The following C8orf76 variants were observed in gnomAD, a reference collection of about 807,000 sequenced individuals.
C8orf76 encodes uncharacterized protein C8orf76.
C8orf76 carries 46 observed loss-of-function variants against 38.1 expected under a neutral mutation model. The observed-to-expected ratio is 1.21, with a 90% CI of 0.95 to 1.54. C8orf76 has a LOEUF of 1.54. C8orf76 is among the 40% of genes most tolerant of loss of function. The probability of loss-of-function intolerance (pLI) is 0.00; values close to 1 mark genes in which losing one functional copy is unlikely to be tolerated. For missense variants in C8orf76, 461 were observed against 441.6 expected (o/e 1.04, Z -0.39); for synonymous variants, 166 against 167.5 (o/e 0.99, Z 0.07).
At chr8:123,227,175 A>G (rs1244189177) in intron 4 of C8orf76, among the ~76,000 whole-genome samples, 1 of 151,252 alleles carries the variant, frequency 6.6e-6, no homozygotes, top group East Asian at 1.9e-4. Context: ...ACTCTGCGAT[A>G]CCTTACCACT....
intron 4 of C8orf76, among the ~76,000 whole-genome samples, chr8:123,229,177 T>C (rs1444127731): frequency 2.0e-5 from 3 of 152,208 alleles, no homozygotes; most frequent in Non-Finnish European, 4.4e-5. Flanking sequence ...TCTTTTTACC[T>C]AGCATGCCTC....
chr8:123,231,888 T>TAAATATATTG, intron 3 of C8orf76, 131 bp from the exon 4 acceptor site: 1 of 951,780 alleles, frequency 1.1e-6, no homozygotes, highest in Non-Finnish European at 1.5e-6. Context: ...ACGAGTGACC[T>TAAATATATTG]AAATATATTT....
rs550856107 is a variant in C8orf76, at chr8:123,222,614, T to TA, written c.949-2318dup. ...TTAAGTCTAATATAGGGAGAACTCT[T>TA]AAAATTGCTATGAAAAACAGAAAGA... On this transcript the variant is annotated intron_variant, in intron 5 of 5. Coordinates refer to ENST00000276704, the MANE Select transcript of C8orf76 (RefSeq NM_032847.3). Among the ~76,000 whole-genome samples the TA allele has an allele frequency of 1.6e-3, 246 of 152,250 alleles. 1 individual carries two copies. Among genetic ancestry groups the TA allele is most frequent in the African/African-American group, 5.8e-3 (242 of 41,546 alleles).
intron 4 of C8orf76, among the ~76,000 whole-genome samples, chr8:123,229,347 A>G (rs1455357850): frequency 2.0e-5 from 3 of 152,196 alleles, no homozygotes; most frequent in African/African-American, 7.2e-5. Context: ...TGGGATCCCA[A>G]TAGGTATCCC....
At chr8:123,239,707 A>T (rs953354297) in intron 1 of C8orf76, 2 of 152,366 alleles carry the variant, frequency 1.3e-5, no homozygotes, top group Non-Finnish European at 2.9e-5. Context: ...TAAATAACGT[A>T]GGGAAAGGCA....
rs770059188 is a variant in C8orf76, at chr8:123,241,358, G to A, written c.-12C>T. On this transcript the variant is annotated 5_prime_UTR_variant, in exon 1 of 6. Coordinates refer to ENST00000276704, the MANE Select transcript of C8orf76 (RefSeq NM_032847.3). ...CACCCGGAATCCATCTCGCGCCCGC[G>A]GCGGGGGCAACGAGGAAGCGGGGCC... The A allele has an allele frequency of 7.1e-6, 11 of 1,547,334 alleles. No homozygotes were observed. The highest frequency in any genetic ancestry group is 9.5e-6 in the Non-Finnish European group (11 of 1,156,118).
chr8:123,226,391 C>T (rs763765248), intron 5 of C8orf76, 109 bp downstream of exon 5: 5 of 1,522,330 alleles, frequency 3.3e-6, no homozygotes, highest in Non-Finnish European at 4.4e-6. Flanking sequence ...AGGAGGGAGA[C>T]AAGTCCTTCA....
intron 3 of C8orf76, among the ~76,000 whole-genome samples, chr8:123,235,556 A>C (rs1315216917): frequency 6.6e-6 from 1 of 152,232 alleles, no homozygotes; most frequent in Non-Finnish European, 1.5e-5. Context: ...TGAAGCCGAC[A>C]GAAAGGGGCG....
intron 5 of C8orf76, among the ~76,000 whole-genome samples, chr8:123,221,273 G>GT (rs1158966643): frequency 2.0e-5 from 3 of 152,034 alleles, no homozygotes; most frequent in Non-Finnish European, 2.9e-5. Context: ...ATACTTTTTT[G>GT]TTTTTGTATT....
At chr8:123,234,768 AAAAAACAAAAAAACAAAAAC>A (rs1178323084) in intron 3 of C8orf76, among the ~76,000 whole-genome samples, 4 of 133,106 alleles carry the variant, frequency 3.0e-5, no homozygotes, top group African/African-American at 8.6e-5. Flanking sequence ...GACTCCATCT[AAAAAACAAAAAAACAAAAAC>A]AAAAACAAAA....
intron 4 of C8orf76, among the ~76,000 whole-genome samples, chr8:123,227,134 G>A (rs1234445751): frequency 6.6e-6 from 1 of 152,096 alleles, no homozygotes; most frequent in Non-Finnish European, 1.5e-5. Context: ...ACCCCAAGCA[G>A]GGCCAAATCT....
intron 4 of C8orf76, 138 bp downstream of exon 4, chr8:123,231,162 C>A (rs770441233): frequency 1.0e-5 from 11 of 1,076,614 alleles, no homozygotes; most frequent in Non-Finnish European, 1.3e-5. Context: ...GAATGACAAA[C>A]GTTCAACACA....
intron 3 of C8orf76, among the ~76,000 whole-genome samples, chr8:123,234,217 T>G (rs1825379135): frequency 1.3e-5 from 2 of 152,174 alleles, no homozygotes; most frequent in Admixed American, 1.3e-4. Context: ...GTAATTTTCC[T>G]TATGTTACAG....
Position 123,231,350 on chromosome 8 carries a change from T to A in C8orf76, c.765A>T (p.Thr255=). 6.2e-7 allele frequency: 1 copy of A among 1,613,990 alleles called. No homozygotes were observed. The highest frequency in any genetic ancestry group is 8.5e-7 in the Non-Finnish European group (1 of 1,179,992). Residue 255 remains threonine, a synonymous_variant, in exon 4 of 6, where the codon ACA becomes ACT. Transcript: ENST00000276704. ...CTTTCAGCTGAGTCTCTATCAACACTGTTTCTCTCTTTTCTGCCATACAGT... is the reference window on the plus strand; with the variant it reads ...CTTTCAGCTGAGTCTCTATCAACACAGTTTCTCTCTTTTCTGCCATACAGT... ...IQNCMAEKRE[T]VLIETQLKAC...
At chr8:123,228,311 C>T (rs1048441661) in intron 4 of C8orf76, among the ~76,000 whole-genome samples, 5 of 152,144 alleles carry the variant, frequency 3.3e-5, no homozygotes, top group African/African-American at 1.2e-4. Flanking sequence ...GCATCGCAGT[C>T]ACCAGAGCTC....
intron 5 of C8orf76, among the ~76,000 whole-genome samples, chr8:123,223,787 A>T (rs369810770): frequency 6.6e-6 from 1 of 152,260 alleles, no homozygotes; most frequent in East Asian, 1.9e-4. Flanking sequence ...GAAGGTATGA[A>T]GTTTTGATAA....
rs111718865 is a variant in C8orf76, at chr8:123,219,970, T to C, written c.*133A>G. ...CATAAACTGAATGCAGTAGAAATCA[T>C]TTGAGACAGAAGCCAGTTTTATAAA... is the stretch of plus-strand genomic sequence containing the variant. On this transcript the variant is annotated 3_prime_UTR_variant, in exon 6 of 6. Coordinates refer to ENST00000276704, the MANE Select transcript of C8orf76 (RefSeq NM_032847.3). 85 of 545,954 alleles carry C rather than the reference T, an allele frequency of 1.6e-4. 1 individual carries two copies. The highest frequency in any genetic ancestry group is 1.4e-3 in the African/African-American group (75 of 51,804). The allele number at this position is 545,954 out of a possible 1,614,324, so 33.8% of individuals were successfully genotyped here.
intron 4 of C8orf76, among the ~76,000 whole-genome samples, chr8:123,230,632 C>T (rs970039074): frequency 9.2e-5 from 14 of 151,626 alleles, no homozygotes; most frequent in Admixed American, 3.3e-4. Context: ...ACTACAGGCA[C>T]GCACCACCAT....
chr8:123,222,285 G>C lies in C8orf76; in HGVS notation c.949-1988C>G, dbSNP rs1031341134. On this transcript the variant is annotated intron_variant, in intron 5 of 5. Coordinates refer to ENST00000276704, the MANE Select transcript of C8orf76 (RefSeq NM_032847.3). The stretch of plus-strand genomic sequence containing the variant: ...GGGCGTGCGCCACCGCGCCCGGCAG[G>C]CATCTTATTTTTCTTTTAGTGACAC... Among the ~76,000 whole-genome samples, 5 of 152,176 alleles carry C rather than the reference G, an allele frequency of 3.3e-5. No homozygotes were observed. In the East Asian group the frequency reaches 9.6e-4, roughly 29 times the overall value.
Sources: allele counts gnomAD v4.1 joint callset (sites outside exome capture counted in the v4.1 genomes callset), GRCh38; gene constraint gnomAD v4.1.1; transcripts MANE v1.5; gene names NCBI Gene and HGNC (gene_info 2026-07-23, HGNC 2026-07-21).